The following UNC5D variants were observed in gnomAD, a reference collection of about 807,000 sequenced individuals.
The protein encoded by UNC5D is unc-5 netrin receptor D, also known as netrin receptor UNC5D.
In UNC5D, 39 loss-of-function variants were observed where a neutral mutation model predicts 105.4. The observed-to-expected ratio is 0.37, with a 90% confidence interval of 0.29 to 0.48. UNC5D has a LOEUF of 0.48. Ranked by LOEUF, UNC5D falls within the 20% of genes least tolerant of loss-of-function variation. The probability of loss-of-function intolerance (pLI) is 0.98; values close to 1 mark genes in which losing one functional copy is unlikely to be tolerated. For synonymous variants in UNC5D, 452 were observed against 450.4 expected, an observed-to-expected ratio of 1.00 and a Z score of -0.04; for missense variants, 991 against 1,202.4, an observed-to-expected ratio of 0.82 and a Z score of 2.60.
At chr8:35,586,101 C>T (rs1046206359) in intron 3 of UNC5D, among the ~76,000 whole-genome samples, 2 of 151,998 alleles carry the variant, frequency 1.3e-5, no homozygotes, top group East Asian at 1.9e-4. Context: ...GGAGAAACCC[C>T]CGTTTCTACT....
chr8:35,447,885 A>G (rs1807899997), intron 1 of UNC5D, among the ~76,000 whole-genome samples: 1 of 152,136 alleles, frequency 6.6e-6, no homozygotes, highest in Admixed American at 6.6e-5. Flanking sequence ...AACCAGTAAC[A>G]GGAGAACTTC....
intron 1 of UNC5D, among the ~76,000 whole-genome samples, chr8:35,412,114 G>A (rs529809803): frequency 5.3e-5 from 8 of 152,200 alleles, no homozygotes; most frequent in Non-Finnish European, 1.2e-4. Context: ...CCTCTGGTCA[G>A]TGTCTGGTGG....
chr8:35,314,174 T>A (rs981552702), intron 1 of UNC5D, among the ~76,000 whole-genome samples: 4 of 152,196 alleles, frequency 2.6e-5, no homozygotes, highest in Non-Finnish European at 5.9e-5. Context: ...AAGCAAGCGA[T>A]TCCAAACTGC....
chr8:35,762,727 T>A (rs1352733436), intron 14 of UNC5D, among the ~76,000 whole-genome samples: 1 of 152,176 alleles, frequency 6.6e-6, no homozygotes, highest in Admixed American at 6.5e-5. Flanking sequence ...CTTTATTCCT[T>A]GCTAGCTGTG....
intron 15 of UNC5D, among the ~76,000 whole-genome samples, chr8:35,768,796 G>T (rs569324756): frequency 5.6e-4 from 86 of 152,284 alleles, no homozygotes; most frequent in African/African-American, 1.9e-3. Flanking sequence ...ACTTAGAAAT[G>T]CCTTGCAGAA....
At chr8:35,317,618 C>G (rs913360213) in intron 1 of UNC5D, among the ~76,000 whole-genome samples, 1 of 152,084 alleles carries the variant, frequency 6.6e-6, no homozygotes, top group African/African-American at 2.4e-5. Context: ...AGTAAACATT[C>G]CTATCGATCT....
At chr8:35,600,114 C>T (rs1228650823) in intron 4 of UNC5D, among the ~76,000 whole-genome samples, 1 of 152,088 alleles carries the variant, frequency 6.6e-6, no homozygotes, top group Non-Finnish European at 1.5e-5. Flanking sequence ...CATCCATGTC[C>T]CTACAAAGGA....
chr8:35,780,590 AAG>A (rs1802460337), intron 16 of UNC5D, among the ~76,000 whole-genome samples: 1 of 152,182 alleles, frequency 6.6e-6, no homozygotes, highest in Admixed American at 6.5e-5. Context: ...GGGGAAAAAA[AAG>A]AGGGAAGATG....
intron 1 of UNC5D, among the ~76,000 whole-genome samples, chr8:35,330,558 G>A (rs181143197): frequency 8.0e-4 from 122 of 152,292 alleles, no homozygotes; most frequent in South Asian, 6.2e-4. Flanking sequence ...TTCAGCCATC[G>A]TGGTATAATT....
chr8:35,478,220 A>G (rs1487629253), intron 1 of UNC5D, among the ~76,000 whole-genome samples: 6 of 152,128 alleles, frequency 3.9e-5, no homozygotes, highest in Non-Finnish European at 1.5e-5. Flanking sequence ...TATTTAGAGT[A>G]TTCCACAATT....
At chr8:35,356,905 A>G (rs1801587716) in intron 1 of UNC5D, among the ~76,000 whole-genome samples, 1 of 152,152 alleles carries the variant, frequency 6.6e-6, no homozygotes, top group Admixed American at 6.6e-5. Flanking sequence ...CCTGGGTGGG[A>G]CAGACTGGGA....
intron 16 of UNC5D, among the ~76,000 whole-genome samples, chr8:35,787,264 A>G (rs1049698951): frequency 2.0e-5 from 3 of 152,238 alleles, no homozygotes; most frequent in Non-Finnish European, 4.4e-5. Context: ...CAAATACAAA[A>G]TGTAACTATA....
At chr8:35,740,728 C>G (rs911556539) in intron 11 of UNC5D, among the ~76,000 whole-genome samples, 1 of 152,138 alleles carries the variant, frequency 6.6e-6, no homozygotes, top group Non-Finnish European at 1.5e-5. Flanking sequence ...CTACTGCCTA[C>G]CTATCCCAAC....
chr8:35,690,984 A>ATGTCTT (rs1194997180), intron 7 of UNC5D, among the ~76,000 whole-genome samples: 1 of 152,120 alleles, frequency 6.6e-6, no homozygotes, highest in Non-Finnish European at 1.5e-5. Context: ...GATGACCTAC[A>ATGTCTT]TGTCTTTGAT....
chr8:35,480,643 A>T (rs1405567033), intron 1 of UNC5D, among the ~76,000 whole-genome samples: 2 of 152,222 alleles, frequency 1.3e-5, no homozygotes, highest in Non-Finnish European at 2.9e-5. Context: ...ATCTACAATA[A>T]GAATTTACAA....
At chr8:35,299,689 A>C (rs991533192) in intron 1 of UNC5D, among the ~76,000 whole-genome samples, 68 of 152,230 alleles carry the variant, frequency 4.5e-4, no homozygotes, top group African/African-American at 1.6e-3. Context: ...ACCTGCAAGA[A>C]TATGAAAAGA....
At chr8:35,606,125 T>A in intron 4 of UNC5D, among the ~76,000 whole-genome samples, 1 of 151,894 alleles carries the variant, frequency 6.6e-6, no homozygotes, top group East Asian at 1.9e-4. Flanking sequence ...GTAGCTGGGA[T>A]TACAGGCACC....
chr8:35,431,508 A>G (rs1806635847), intron 1 of UNC5D, among the ~76,000 whole-genome samples: 1 of 152,170 alleles, frequency 6.6e-6, no homozygotes, highest in African/African-American at 2.4e-5. Flanking sequence ...GAATGTTTCT[A>G]GGACTTCAAA....
chr8:35,563,900 A>T (rs1300411262), intron 2 of UNC5D, among the ~76,000 whole-genome samples: 2 of 152,088 alleles, frequency 1.3e-5, no homozygotes, highest in Non-Finnish European at 2.9e-5. Context: ...TTCTGTTAAT[A>T]TGATGTGTCA....
Sources: allele counts gnomAD v4.1 joint callset (sites outside exome capture counted in the v4.1 genomes callset), GRCh38; gene constraint gnomAD v4.1.1; transcripts MANE v1.5; gene names NCBI Gene and HGNC (gene_info 2026-07-23, HGNC 2026-07-21).